Variants in CNTN5 observed in about 807,000 individuals in gnomAD.
CNTN5 encodes contactin 5, also known as contactin-5.
In CNTN5, 77 loss-of-function variants were observed where a neutral mutation model predicts 129.1. That is an observed-to-expected ratio of 0.60 (90% CI 0.50 to 0.72). The LOEUF is 0.72. CNTN5 is among the 30% of genes least tolerant of loss of function. The pLI, the probability that CNTN5 is intolerant of heterozygous loss-of-function variation, is 0.00. For synonymous variants in CNTN5, 509 were observed against 465.6 expected, an observed-to-expected ratio of 1.09 and a Z score of -1.20; for missense variants, 1,478 against 1,328.8, an observed-to-expected ratio of 1.11 and a Z score of -1.75.
intron 13 of CNTN5, among the ~76,000 whole-genome samples, chr11:100,076,437 CAGG>C: frequency 6.6e-6 from 1 of 152,142 alleles, no homozygotes; most frequent in South Asian, 2.1e-4. Flanking sequence ...AGAGAAGTAA[CAGG>C]ATTATGAGTA....
intron 2 of CNTN5, among the ~76,000 whole-genome samples, chr11:99,517,820 A>T (rs190588495): frequency 9.4e-4 from 143 of 152,214 alleles, no homozygotes; most frequent in Non-Finnish European, 1.6e-3. Context: ...GTAGTAACTT[A>T]AATGTTTTTC....
intron 3 of CNTN5, chr11:99,558,162 C>A: frequency 5.2e-6 from 1 of 193,738 alleles, no homozygotes; most frequent in Non-Finnish European, 1.1e-5. Flanking sequence ...AAAAAGAAAT[C>A]AAGAGTCTTC....
At chr11:100,288,462 A>C (rs573634981) in intron 18 of CNTN5, among the ~76,000 whole-genome samples, 17 of 152,338 alleles carry the variant, frequency 1.1e-4, no homozygotes, top group Non-Finnish European at 1.6e-4. Flanking sequence ...ACCTCACCCA[A>C]ACCGCTCAAC....
At chr11:100,211,472 G>GA (rs199520923) in intron 15 of CNTN5, among the ~76,000 whole-genome samples, 226 of 144,164 alleles carry the variant, frequency 1.6e-3, no homozygotes, top group African/African-American at 4.2e-3. Context: ...CTGATATTGG[G>GA]AAAAAAAAAA....
rs1318021098 is a variant in CNTN5, at chr11:100,064,159, A to AGACTAC, written c.1162+2767_1162+2772dup. 2.0e-5 allele frequency among the ~76,000 whole-genome samples: 3 copies of AGACTAC among 152,334 alleles called. No individual in the cohort carries two copies. In the East Asian group the frequency reaches 5.8e-4, roughly 29 times the overall value. ...TTGGGATTCTATCTGTTAGAAGTAC[A>AGACTAC]GACTACCCATTTTATCCAAACAGTC... On this transcript the variant is annotated intron_variant, in intron 10 of 24. Coordinates refer to ENST00000524871, the MANE Select transcript of CNTN5 (RefSeq NM_014361.4).
rs114974052 is a variant in CNTN5, at chr11:99,175,744, T to A, written c.-209-149602T>A. 5.1e-3 allele frequency among the ~76,000 whole-genome samples: 772 copies of A among 152,226 alleles called. 8 individuals carry two copies. Among genetic ancestry groups the A allele is most frequent in the African/African-American group, 0.016 (671 of 41,534 alleles). Reference sequence around the variant, plus strand: ...CTGCAAAAATTATAGAGGGGTCAGATGTAATTTTGGCATGATTATTTAAGG... The same window carrying A: ...CTGCAAAAATTATAGAGGGGTCAGAAGTAATTTTGGCATGATTATTTAAGG... On this transcript the variant is annotated intron_variant, in intron 1 of 24. Transcript: ENST00000524871.
chr11:99,729,110 G>C (rs913720649), intron 3 of CNTN5, among the ~76,000 whole-genome samples: 33 of 152,112 alleles, frequency 2.2e-4, no homozygotes, highest in Non-Finnish European at 3.7e-4. Context: ...GCAGTAGAAA[G>C]ATAGGCATCT....
At chr11:99,319,787 A>C (rs1865487199) in intron 1 of CNTN5, among the ~76,000 whole-genome samples, 1 of 152,166 alleles carries the variant, frequency 6.6e-6, no homozygotes, top group Non-Finnish European at 1.5e-5. Context: ...GAAAACTTTG[A>C]AGTAGGCCGA....
chr11:99,085,141 T>C (rs1423771329), intron 1 of CNTN5, among the ~76,000 whole-genome samples: 4 of 151,930 alleles, frequency 2.6e-5, no homozygotes, highest in Admixed American at 2.0e-4. Context: ...GCCTCCTGGG[T>C]TGAAGCCATT....
At chr11:99,781,929 C>A (rs372573907) in intron 3 of CNTN5, among the ~76,000 whole-genome samples, 1 of 151,968 alleles carries the variant, frequency 6.6e-6, no homozygotes, top group African/African-American at 2.4e-5. Flanking sequence ...GACAGGGATG[C>A]CCTCTCTCAC....
intron 1 of CNTN5, among the ~76,000 whole-genome samples, chr11:99,214,128 A>G (rs935907924): frequency 5.9e-5 from 9 of 152,082 alleles, no homozygotes; most frequent in African/African-American, 2.2e-4. Flanking sequence ...TGAAAGTGAC[A>G]ATGAAAGAAA....
intron 3 of CNTN5, among the ~76,000 whole-genome samples, chr11:99,634,846 G>A (rs623710): frequency 0.6 from 91,715 of 151,988 alleles, 28,502 homozygotes; most frequent in Admixed American, 0.69. Context: ...AAGGTGACCC[G>A]TGTCATCAAT....
chr11:99,641,175 A>C (rs995217288), intron 3 of CNTN5, among the ~76,000 whole-genome samples: 29 of 152,196 alleles, frequency 1.9e-4, no homozygotes, highest in African/African-American at 1.2e-4. Flanking sequence ...GATTTAAACT[A>C]TCAGGTGTAG....
At chr11:100,137,817 G>T (rs1274665382) in intron 13 of CNTN5, among the ~76,000 whole-genome samples, 1 of 152,118 alleles carries the variant, frequency 6.6e-6, no homozygotes, top group Non-Finnish European at 1.5e-5. Context: ...AAAAGATGAT[G>T]TGGGAGCAAA....
At chr11:99,278,936 T>C (rs1430721026) in intron 1 of CNTN5, among the ~76,000 whole-genome samples, 2 of 151,754 alleles carry the variant, frequency 1.3e-5, no homozygotes, top group African/African-American at 2.4e-5. Context: ...CATTGTGACC[T>C]GGATTCCATT....
intron 1 of CNTN5, among the ~76,000 whole-genome samples, chr11:99,198,413 G>A (rs951643080): frequency 2.6e-5 from 4 of 152,036 alleles, no homozygotes; most frequent in African/African-American, 7.2e-5. Context: ...AACTAAGAGC[G>A]TTGTTGCAGG....
chr11:99,567,204 T>C (rs1165391019), intron 3 of CNTN5, among the ~76,000 whole-genome samples: 2 of 152,170 alleles, frequency 1.3e-5, no homozygotes, highest in Non-Finnish European at 2.9e-5. Context: ...CTTTTCAACA[T>C]ACCAGACAAT....
At chr11:99,668,731 C>G (rs1020850766) in intron 3 of CNTN5, among the ~76,000 whole-genome samples, 29 of 152,118 alleles carry the variant, frequency 1.9e-4, no homozygotes, top group Non-Finnish European at 2.9e-4. Flanking sequence ...AAATTCAAAA[C>G]TAGCCTGGGC....
At chr11:99,933,461 TCAC>T (rs1384887954) in intron 7 of CNTN5, among the ~76,000 whole-genome samples, 2 of 152,182 alleles carry the variant, frequency 1.3e-5, no homozygotes, top group Admixed American at 6.5e-5. Context: ...AACATTTCCA[TCAC>T]CACAAGAAGT....
Sources: allele counts gnomAD v4.1 joint callset (sites outside exome capture counted in the v4.1 genomes callset), GRCh38; gene constraint gnomAD v4.1.1; transcripts MANE v1.5; gene names NCBI Gene and HGNC (gene_info 2026-07-23, HGNC 2026-07-21).